Variants in IL1RAPL1 observed in about 807,000 individuals in gnomAD.
IL1RAPL1 encodes interleukin-1 receptor accessory protein-like 1.
IL1RAPL1 carries 3 observed loss-of-function variants against 48.4 expected under a neutral mutation model. That is an observed-to-expected ratio of 0.06 (90% CI 0.03 to 0.16). The LOEUF is 0.16. Ranked by LOEUF, IL1RAPL1 falls within the 10% of genes least tolerant of loss-of-function variation. The pLI, the probability that IL1RAPL1 is intolerant of heterozygous loss-of-function variation, is 1.00. For missense variants in IL1RAPL1, 349 were observed against 530.6 expected, an observed-to-expected ratio of 0.66 and a Z score of 3.36; for synonymous variants, 185 against 187.7, an observed-to-expected ratio of 0.99 and a Z score of 0.12.
At chrX:29,105,836 A>G (rs1352373563) in intron 2 of IL1RAPL1, among the ~76,000 whole-genome samples, 1 of 111,927 alleles carries the variant, frequency 8.9e-6, no homozygotes, top group Non-Finnish European at 1.9e-5. Flanking sequence ...TGTTTCATCC[A>G]GAAAGCCATC....
At chrX:29,498,895 G>A (rs1160617777) in intron 5 of IL1RAPL1, among the ~76,000 whole-genome samples, 1 of 111,444 alleles carries the variant, frequency 9.0e-6, no homozygotes, top group Non-Finnish European at 1.9e-5. Flanking sequence ...TTTAATGTTG[G>A]GATGTAAAAA....
chrX:28,624,195 T>C (rs1934314453), intron 1 of IL1RAPL1, among the ~76,000 whole-genome samples: 1 of 111,694 alleles, frequency 9.0e-6, no homozygotes, highest in South Asian at 3.7e-4. Context: ...ATTCTCTTAC[T>C]TTTCTTTTCC....
chrX:29,907,591 A>T (rs1425484132), intron 6 of IL1RAPL1, among the ~76,000 whole-genome samples: 2 of 111,915 alleles, frequency 1.8e-5, no homozygotes, highest in Non-Finnish European at 3.8e-5. Context: ...AATTGATTTC[A>T]AAGAGTTGTA....
intron 6 of IL1RAPL1, among the ~76,000 whole-genome samples, chrX:29,846,915 T>C (rs765182427): frequency 9.0e-6 from 1 of 110,541 alleles, no homozygotes; most frequent in Admixed American, 9.7e-5. Context: ...ATGCATATAA[T>C]AATTCATCTC....
intron 6 of IL1RAPL1, among the ~76,000 whole-genome samples, chrX:29,722,527 A>C (rs1046214019): frequency 1.8e-5 from 2 of 111,943 alleles, no homozygotes; most frequent in Admixed American, 1.9e-4. Context: ...TGAGTGATAA[A>C]TCTTTTTTGC....
At chrX:28,780,333 ATG>A (rs1171085384) in intron 1 of IL1RAPL1, among the ~76,000 whole-genome samples, 1,056 of 96,346 alleles carry the variant, frequency 0.011, 13 homozygotes, top group African/African-American at 0.023. Context: ...GTGTGTGTGT[ATG>A]TGTGTGTGTG....
At chrX:29,382,520 GA>G (rs1385956951) in intron 3 of IL1RAPL1, among the ~76,000 whole-genome samples, 2 of 111,186 alleles carry the variant, frequency 1.8e-5, no homozygotes, top group Non-Finnish European at 3.8e-5. Context: ...CCATACTTCT[GA>G]AAATAATGAA....
chrX:29,071,202 C>T (rs1927558572), intron 2 of IL1RAPL1, among the ~76,000 whole-genome samples: 1 of 111,539 alleles, frequency 9.0e-6, no homozygotes, highest in Non-Finnish European at 1.9e-5. Flanking sequence ...TGTGAGAAAG[C>T]GATCCTGATT....
intron 3 of IL1RAPL1, among the ~76,000 whole-genome samples, chrX:29,332,095 C>CTTTTTTTTTT (rs72360733): frequency 1.4e-4 from 4 of 27,885 alleles, no homozygotes; most frequent in Non-Finnish European, 2.0e-4. Context: ...ATTCTAAGGT[C>CTTTTTTTTTT]TTTTTTTTTT....
intron 2 of IL1RAPL1, among the ~76,000 whole-genome samples, chrX:29,251,371 G>A (rs1434517936): frequency 9.0e-6 from 1 of 111,489 alleles, no homozygotes; most frequent in Non-Finnish European, 1.9e-5. Context: ...AGTCCTAACT[G>A]TAATGGAGCT....
chrX:28,879,915 C>A (rs751674913), intron 2 of IL1RAPL1, among the ~76,000 whole-genome samples: 15 of 111,367 alleles, frequency 1.3e-4, no homozygotes, highest in African/African-American at 4.9e-4. Context: ...AGGCTGAAAT[C>A]TTTACAAAAG....
At chrX:29,010,629 A>G (rs1186995378) in intron 2 of IL1RAPL1, among the ~76,000 whole-genome samples, 1 of 112,106 alleles carries the variant, frequency 8.9e-6, no homozygotes, top group Non-Finnish European at 1.9e-5. Context: ...TTAGTGATTG[A>G]TGTAATCTCT....
intron 3 of IL1RAPL1, among the ~76,000 whole-genome samples, chrX:29,300,640 G>T (rs780826107): frequency 9.7e-4 from 109 of 112,143 alleles, no homozygotes; most frequent in African/African-American, 3.5e-3. Flanking sequence ...CCAATACTGT[G>T]CAGAATAACA....
intron 1 of IL1RAPL1, among the ~76,000 whole-genome samples, chrX:28,770,460 G>A (rs922688024): frequency 3.6e-5 from 4 of 112,260 alleles, no homozygotes; most frequent in African/African-American, 6.5e-5. Flanking sequence ...TCTTCAAATC[G>A]TTGTCGCCTT....
chrX:28,774,712 G>A (rs1936344408), intron 1 of IL1RAPL1, among the ~76,000 whole-genome samples: 1 of 111,548 alleles, frequency 9.0e-6, no homozygotes, highest in African/African-American at 3.3e-5. Context: ...CTCACTCAAA[G>A]GTGGGGGATT....
intron 3 of IL1RAPL1, among the ~76,000 whole-genome samples, chrX:29,367,857 G>A (rs149774011): frequency 0.12 from 12,659 of 109,293 alleles, 564 homozygotes; most frequent in South Asian, 0.16. Context: ...GGGATTACAG[G>A]CGTGAACCAC....
intron 1 of IL1RAPL1, among the ~76,000 whole-genome samples, chrX:28,768,778 T>TATATATAC (rs768805531): frequency 0.012 from 904 of 76,221 alleles, 26 homozygotes; most frequent in Non-Finnish European, 0.019. Context: ...TATATATATA[T>TATATATAC]ACACACACTA....
At chrX:29,814,441 C>A (rs1478342938) in intron 6 of IL1RAPL1, among the ~76,000 whole-genome samples, 3 of 111,120 alleles carry the variant, frequency 2.7e-5, no homozygotes, top group Non-Finnish European at 5.7e-5. Context: ...TGTTTTGTGT[C>A]TATTCAATTG....
chrX:29,739,474 C>G lies in IL1RAPL1; in HGVS notation c.778+70970C>G, dbSNP rs943719744. 2.2e-4 allele frequency among the ~76,000 whole-genome samples: 24 copies of G among 111,371 alleles called. 1 individual carries two copies. The highest frequency in any genetic ancestry group is 3.2e-4 in the Non-Finnish European group (17 of 53,115). On this transcript the variant is annotated intron_variant, in intron 6 of 10. Transcript: ENST00000378993. ...GATTCTCACTGTCAGGGTCATAACT[C>G]TCTCTCTTTCACCCAGCGGTAACCA... is the stretch of plus-strand genomic sequence containing the variant.
Sources: gnomAD v4.1 joint callset for allele counts (sites outside exome capture counted in the v4.1 genomes callset) on GRCh38, gnomAD v4.1.1 for gene constraint, MANE v1.5 for transcripts, NCBI Gene and HGNC (gene_info 2026-07-23, HGNC 2026-07-21) for gene names.